The following UBE3C variants were observed in gnomAD, a reference collection of about 807,000 sequenced individuals.
UBE3C encodes the protein ubiquitin-protein ligase E3C.
A neutral mutation model predicts 129.4 loss-of-function variants in UBE3C; 42 were observed. The observed-to-expected ratio is 0.32, with a 90% CI of 0.25 to 0.42. The LOEUF is 0.42. Ranked by LOEUF, UBE3C falls within the 10% of genes least tolerant of loss-of-function variation. The pLI, the probability that UBE3C is intolerant of heterozygous loss-of-function variation, is 1.00. For missense variants in UBE3C, 1,049 were observed against 1,319.1 expected, an observed-to-expected ratio of 0.80 and a Z score of 3.17; for synonymous variants, 510 against 492.4, an observed-to-expected ratio of 1.04 and a Z score of -0.47.
intron 15 of UBE3C, 70 bp from the exon 16 acceptor site, chr7:157,223,184 T>G: frequency 3.4e-6 from 5 of 1,484,942 alleles, no homozygotes; most frequent in Non-Finnish European, 4.7e-6. Context: ...AATCTTCACC[T>G]TAAGAATTGT....
intron 18 of UBE3C, among the ~76,000 whole-genome samples, chr7:157,242,638 T>C (rs1796369238): frequency 2.0e-5 from 3 of 152,142 alleles, no homozygotes; most frequent in East Asian, 3.9e-4. Flanking sequence ...TTTGCTACTT[T>C]AGCGAACTTC....
chr7:157,157,911 C>T (rs1407731802), intron 1 of UBE3C, among the ~76,000 whole-genome samples: 14 of 151,432 alleles, frequency 9.2e-5, no homozygotes, highest in Admixed American at 2.0e-4. Flanking sequence ...ACCTGGGAGG[C>T]GGAGGTTGCA....
chr7:157,251,687 C>T (rs1796624137), intron 19 of UBE3C, among the ~76,000 whole-genome samples: 2 of 152,170 alleles, frequency 1.3e-5, no homozygotes, highest in Admixed American at 6.5e-5. Context: ...CTGAGAACTG[C>T]TCCAGTTAAA....
chr7:157,237,558 A>G (rs1796184813), intron 18 of UBE3C, among the ~76,000 whole-genome samples: 1 of 152,196 alleles, frequency 6.6e-6, no homozygotes, highest in Non-Finnish European at 1.5e-5. Flanking sequence ...TATTTTTCTC[A>G]TCACGCCCAA....
At chr7:157,198,558 G>A (rs1236573507) in intron 10 of UBE3C, 4 of 309,500 alleles carry the variant, frequency 1.3e-5, no homozygotes, top group Non-Finnish European at 2.5e-5. Context: ...TTTTCGACAG[G>A]GAGTCTTGTT....
At chr7:157,175,072 A>T in intron 5 of UBE3C, 38 bp downstream of exon 5, 1 of 1,408,582 alleles carries the variant, frequency 7.1e-7, no homozygotes, top group Non-Finnish European at 9.6e-7. Context: ...TATATAATGT[A>T]TTGATCACCT....
At chr7:157,217,209 G>T in intron 14 of UBE3C, 2 of 348,472 alleles carry the variant, frequency 5.7e-6, no homozygotes, top group Non-Finnish European at 1.0e-5. Context: ...TTTAACCTGA[G>T]ATTATATTAA....
chr7:157,175,137 C>T lies in UBE3C; in HGVS notation c.458+103C>T, dbSNP rs1406265262. Reference sequence around the variant, plus strand: ...TTTCAGAGACAGTGGCTTTTCCATACTTTTTTTTTTTTTTTTTTTTTGAGG... The same window carrying T: ...TTTCAGAGACAGTGGCTTTTCCATATTTTTTTTTTTTTTTTTTTTTTGAGG... On this transcript the variant is annotated intron_variant, in intron 5 of 22. Transcript: ENST00000348165. 8.6e-3 allele frequency: 2,155 copies of T among 251,518 alleles called. 1 individual carries two copies. Among genetic ancestry groups the T allele is most frequent in the East Asian group, 0.012 (140 of 11,980 alleles). 15.6% of individuals were successfully genotyped at this position (251,518 alleles called of 1,614,324 possible).
Position 157,248,515 on chromosome 7 carries a change from G to A in UBE3C, c.2629G>A (p.Glu877Lys), listed in dbSNP as rs763195020. ...YKNLLFLKSY[E>K]DDVEELGLNF... ...GAATTTGCTCTTTCTGAAGAGCTACGAAGACGATGTGGAGGAGCTTGGGCT... is the reference window on the plus strand; with the variant it reads ...GAATTTGCTCTTTCTGAAGAGCTACAAAGACGATGTGGAGGAGCTTGGGCT... Residue 877 changes from glutamate (E) to lysine (K), a missense_variant, in exon 19 of 23, where the codon GAA becomes AAA. Glu to Lys is a moderately conservative substitution (Grantham distance 56, BLOSUM62 1). Transcript: ENST00000348165. The A allele has an allele frequency of 2.2e-5, 35 of 1,613,080 alleles. No individual in the cohort carries two copies. Among genetic ancestry groups the A allele is most frequent in the South Asian group, 1.1e-4 (10 of 91,034 alleles).
rs1342652862 is a variant in UBE3C at position 157,241,084 on chromosome 7, CAGGGGG to C, written c.2482-7283_2482-7278del. ...GGTCTGGAAGTGGCAGTAAGGAGCA[CAGGGGG>C]CCTACCTCCCTTCTGTGCCCGGTGG... On this transcript the variant is annotated intron_variant, in intron 18 of 22. Transcript: ENST00000348165. Among the ~76,000 whole-genome samples, 6 of 152,200 alleles carry C rather than the reference CAGGGGG, an allele frequency of 3.9e-5. No homozygotes were observed. The East Asian group carries it at 1.2e-3, about 29-fold the overall frequency.
chr7:157,229,927 T>TA (rs56097864), intron 17 of UBE3C, among the ~76,000 whole-genome samples: 77,202 of 149,374 alleles, frequency 0.52, 22,893 homozygotes, highest in Non-Finnish European at 0.66. Flanking sequence ...TTTATTTATT[T>TA]TTTTTTTTTT....
At chr7:157,159,814 C>G (rs766609345) in intron 1 of UBE3C, among the ~76,000 whole-genome samples, 4 of 152,182 alleles carry the variant, frequency 2.6e-5, no homozygotes, top group African/African-American at 4.8e-5. Flanking sequence ...GAGCGAGACT[C>G]TGTCTCCAAA....
intron 5 of UBE3C, among the ~76,000 whole-genome samples, chr7:157,177,947 G>GTTTT (rs1563042282): frequency 4.8e-5 from 7 of 145,818 alleles, no homozygotes; most frequent in African/African-American, 1.8e-4. Flanking sequence ...TTTTTTTTAA[G>GTTTT]AAAAAGGAAA....
Position 157,181,788 on chromosome 7 carries a change from A to G in UBE3C, c.770+117A>G, listed in dbSNP as rs542625355. ...TTGAAATTCAGGTTTTTACTTTATT[A>G]GTGTTGATTTAGTTTATAGGAAAGT... is the stretch of plus-strand genomic sequence containing the variant. On this transcript the variant is annotated intron_variant, in intron 7 of 22. Transcript: ENST00000348165. 3.5e-4 allele frequency: 472 copies of G among 1,341,356 alleles called. 1 individual carries two copies. The highest frequency in any genetic ancestry group is 2.2e-3 in the Middle Eastern group (10 of 4,584). The allele number at this position is 1,341,356 out of a possible 1,614,324, so 83.1% of individuals were successfully genotyped here.
At chr7:157,207,334 T>G in intron 11 of UBE3C, 64 bp from the exon 12 acceptor site, 1 of 1,565,066 alleles carries the variant, frequency 6.4e-7, no homozygotes, top group South Asian at 1.2e-5. Context: ...TATGTTTTAA[T>G]TAGTTCCCAA....
intron 1 of UBE3C, among the ~76,000 whole-genome samples, chr7:157,142,548 C>T (rs1162186232): frequency 2.0e-5 from 3 of 152,222 alleles, no homozygotes; most frequent in African/African-American, 4.8e-5. Context: ...GGGTGGAAGA[C>T]GAGAAGGCAT....
intron 13 of UBE3C, among the ~76,000 whole-genome samples, chr7:157,210,674 GT>G (rs1380135218): frequency 1.3e-5 from 2 of 152,220 alleles, no homozygotes; most frequent in African/African-American, 4.8e-5. Flanking sequence ...CCAAATTTGA[GT>G]TGAAGAATTC....
chr7:157,230,694 C>CAAAA lies in UBE3C; in HGVS notation c.2234-369_2234-366dup, dbSNP rs748639288. 8.1e-3 allele frequency among the ~76,000 whole-genome samples: 314 copies of CAAAA among 38,814 alleles called. 2 individuals carry two copies. Among genetic ancestry groups the CAAAA allele is most frequent in the Non-Finnish European group, 0.012 (176 of 15,200 alleles). The allele number at this position is 38,814 out of a possible 152,430, so 25.5% of individuals were successfully genotyped here. A position where few individuals can be genotyped will look rare whatever the true frequency, so the allele number is the denominator to read the frequency against. ...TGGATGACAGAGGCAGACCCCGTCTCAAAAAAAAAAAAAAAAAAAACCTCC... is the reference window on the plus strand; with the variant it reads ...TGGATGACAGAGGCAGACCCCGTCTCAAAAAAAAAAAAAAAAAAAAAAAACCTCC... On this transcript the variant is annotated intron_variant, in intron 17 of 22. Transcript: ENST00000348165.
intron 10 of UBE3C, among the ~76,000 whole-genome samples, chr7:157,197,409 T>C (rs981539965): frequency 1.2e-4 from 18 of 152,168 alleles, no homozygotes; most frequent in African/African-American, 4.3e-4. Flanking sequence ...AACATACTTA[T>C]CTTAAGGTCT....
Sources: gnomAD v4.1 joint callset for allele counts (sites outside exome capture counted in the v4.1 genomes callset) on GRCh38, gnomAD v4.1.1 for gene constraint, MANE v1.5 for transcripts, NCBI Gene and HGNC (gene_info 2026-07-23, HGNC 2026-07-21) for gene names.